Variants in HPCAL1 observed in about 807,000 individuals in gnomAD.
HPCAL1 encodes the protein hippocalcin-like protein 1.
In HPCAL1, 8 loss-of-function variants were observed where a neutral mutation model predicts 17.1. That is an observed-to-expected ratio of 0.47 (90% CI 0.27 to 0.84). HPCAL1 has a LOEUF of 0.84. HPCAL1 is among the 40% of genes least tolerant of loss of function. The probability of loss-of-function intolerance (pLI) is 0.13; values close to 1 mark genes in which losing one functional copy is unlikely to be tolerated. For missense variants in HPCAL1, 165 were observed against 271.1 expected (o/e 0.61, Z 2.75); for synonymous variants, 112 against 111.4 (o/e 1.01, Z -0.03).
intron 1 of HPCAL1, among the ~76,000 whole-genome samples, chr2:10,357,035 C>G (rs922240656): frequency 3.3e-5 from 5 of 152,116 alleles, no homozygotes; most frequent in African/African-American, 1.2e-4. Flanking sequence ...ATACCTTGAG[C>G]CCAGGAGGTT....
At chr2:10,418,464 AAAAAAAAC>A (rs1201108757) in intron 2 of HPCAL1, among the ~76,000 whole-genome samples, 4 of 150,968 alleles carry the variant, frequency 2.6e-5, no homozygotes, top group Non-Finnish European at 5.9e-5. Flanking sequence ...AAAAAAAAAA[AAAAAAAAC>A]AACCCTGGGA....
intron 2 of HPCAL1, among the ~76,000 whole-genome samples, chr2:10,407,666 C>T (rs1055259516): frequency 6.6e-6 from 1 of 152,102 alleles, no homozygotes; most frequent in Non-Finnish European, 1.5e-5. Flanking sequence ...AGGAGGTTTC[C>T]CCACGACTGT....
intron 1 of HPCAL1, among the ~76,000 whole-genome samples, chr2:10,361,866 G>T (rs113512293): frequency 6.6e-6 from 1 of 151,936 alleles, no homozygotes; most frequent in East Asian, 1.9e-4. Context: ...ATAGGCGCCC[G>T]CCACCATGCC....
chr2:10,402,391 A>G (rs1446946108), intron 2 of HPCAL1, among the ~76,000 whole-genome samples: 1 of 152,184 alleles, frequency 6.6e-6, no homozygotes, highest in Non-Finnish European at 1.5e-5. Flanking sequence ...GCGTTGCCAC[A>G]ACTCTCCCTG....
chr2:10,423,170 T>C, intron 4 of HPCAL1, 82 bp downstream of exon 4: 1 of 1,050,840 alleles, frequency 9.5e-7, no homozygotes, highest in Non-Finnish European at 1.5e-6. Context: ...CCCTCCCCTC[T>C]GCAGCTTCTT....
At position 10,363,579 on chromosome 2, in the gene HPCAL1, GCCT is replaced by G. The variant is rs1666656526; in HGVS notation, c.-110-33249_-110-33247del. 6.6e-6 allele frequency among the ~76,000 whole-genome samples: 1 copy of G among 152,202 alleles called. No homozygotes were observed. The highest frequency in any genetic ancestry group is 1.5e-5 in the Non-Finnish European group (1 of 68,028). On this transcript the variant is annotated intron_variant, in intron 1 of 4. Coordinates refer to ENST00000307845, the MANE Select transcript of HPCAL1 (RefSeq NM_002149.4). This position sits in a 1 kb window ranked among gnomAD's most constrained non-coding sequence, Gnocchi z 4.7. Reference sequence around the variant, plus strand: ...ATTTCTGGGAAGTGTGTGACCCGAAGCCTCCTCCTGTCAGAACCACCGGGGAGC... The same window carrying G: ...ATTTCTGGGAAGTGTGTGACCCGAAGCCTCCTGTCAGAACCACCGGGGAGC...
rs1206123931 is a variant in HPCAL1 at position 10,362,131 on chromosome 2, A to ATGGGCAGGGCTGTGGAGC, written c.-110-34700_-110-34683dup. Among the ~76,000 whole-genome samples the ATGGGCAGGGCTGTGGAGC allele has an allele frequency of 1.3e-5, 2 of 152,228 alleles. No individual in the cohort carries two copies. The highest frequency in any genetic ancestry group is 2.4e-5 in the African/African-American group (1 of 41,450). ...CCCAAGATCACTTAGCTAGTAAGTGATGGGCAGGGCTGTGGAGCTGGTTCA... is the reference window on the plus strand; with the variant it reads ...CCCAAGATCACTTAGCTAGTAAGTGATGGGCAGGGCTGTGGAGCTGGGCAGGGCTGTGGAGCTGGTTCA... On this transcript the variant is annotated intron_variant, in intron 1 of 4. Transcript: ENST00000307845. This position sits in a 1 kb window ranked among gnomAD's most constrained non-coding sequence, Gnocchi z 5.0.
chr2:10,303,535 G>A (rs1341282609), intron 1 of HPCAL1, among the ~76,000 whole-genome samples: 1 of 152,168 alleles, frequency 6.6e-6, no homozygotes, highest in South Asian at 2.1e-4. Context: ...GTGGGTGTGG[G>A]TGGTCCAGCC....
rs1668900228 is a variant in HPCAL1 at position 10,394,647 on chromosome 2, A to C, written c.-110-2188A>C. 6.6e-6 allele frequency among the ~76,000 whole-genome samples: 1 copy of C among 152,082 alleles called. No individual in the cohort carries two copies. Among genetic ancestry groups the C allele is most frequent in the Admixed American group, 6.5e-5 (1 of 15,276 alleles). ...TGAGCTGCGGACCTGGGGGGTGATG[A>C]TGGTCAGTGCAGGTCCCTCAGTTGT... On this transcript the variant is annotated intron_variant, in intron 1 of 4. Coordinates refer to ENST00000307845, the MANE Select transcript of HPCAL1 (RefSeq NM_002149.4). The surrounding 1 kb of genome is among the most constrained non-coding windows in gnomAD (Gnocchi z 5.0).
intron 4 of HPCAL1, chr2:10,426,085 G>C (rs1331549615): frequency 1.3e-5 from 2 of 152,292 alleles, no homozygotes; most frequent in African/African-American, 4.8e-5. Context: ...CCTAGGCCAC[G>C]AGCCTCCAGA....
chr2:10,313,773 G>A (rs752171211), intron 1 of HPCAL1, among the ~76,000 whole-genome samples: 1 of 152,206 alleles, frequency 6.6e-6, no homozygotes, highest in Non-Finnish European at 1.5e-5. Context: ...ATGCATACTT[G>A]CATTGTAGGT....
At chr2:10,339,235 C>A (rs961808143) in intron 1 of HPCAL1, among the ~76,000 whole-genome samples, 1 of 152,204 alleles carries the variant, frequency 6.6e-6, no homozygotes, top group Non-Finnish European at 1.5e-5. Flanking sequence ...TCACTGCAAC[C>A]TCCACCTCCC....
intron 1 of HPCAL1, among the ~76,000 whole-genome samples, chr2:10,358,809 G>T (rs761055825): frequency 3.3e-5 from 5 of 152,168 alleles, no homozygotes; most frequent in African/African-American, 1.2e-4. Context: ...CCAAGCCCAC[G>T]TGTGATCTTC....
At chr2:10,368,157 T>G (rs1666966368) in intron 1 of HPCAL1, among the ~76,000 whole-genome samples, 1 of 151,224 alleles carries the variant, frequency 6.6e-6, no homozygotes, top group South Asian at 2.1e-4. Flanking sequence ...CATGTGTAGG[T>G]GTGTGTGTGC....
chr2:10,422,919 A>G, intron 3 of HPCAL1, 64 bp from the exon 4 acceptor site: 3 of 1,211,786 alleles, frequency 2.5e-6, no homozygotes, highest in Non-Finnish European at 3.6e-6. Context: ...GCGGAAGCCC[A>G]CCCTTGCTGC....
At chr2:10,326,838 G>A (rs1003996990) in intron 1 of HPCAL1, among the ~76,000 whole-genome samples, 8 of 152,122 alleles carry the variant, frequency 5.3e-5, no homozygotes, top group Non-Finnish European at 1.2e-4. Flanking sequence ...GACAGATGCC[G>A]AGGCTCCCGT....
At chr2:10,411,003 C>A (rs1670322588) in intron 2 of HPCAL1, among the ~76,000 whole-genome samples, 1 of 151,768 alleles carries the variant, frequency 6.6e-6, no homozygotes, top group Non-Finnish European at 1.5e-5. Context: ...AAATGAGGTC[C>A]TTCAGATTAC....
Position 10,427,085 on chromosome 2 carries a change from A to G in HPCAL1, c.*264A>G. On this transcript the variant is annotated 3_prime_UTR_variant, in exon 5 of 5. Transcript: ENST00000307845. ...GCAGGGTTCAAGTGTTCTTGGTTCC[A>G]GGCACCTCCCGGCTCACGGGGAGCT... is the stretch of plus-strand genomic sequence containing the variant. The G allele has an allele frequency of 2.1e-6, 1 of 474,900 alleles. No individual in the cohort carries two copies. Among genetic ancestry groups the G allele is most frequent in the East Asian group, 4.0e-5 (1 of 25,210 alleles). The allele number at this position is 474,900 out of a possible 1,614,324, so 29.4% of individuals were successfully genotyped here.
rs539820203 is a variant in HPCAL1 at position 10,417,195 on chromosome 2, T to C, written c.-24-2539T>C. Among the ~76,000 whole-genome samples the C allele has an allele frequency of 5.9e-5, 9 of 152,208 alleles. No homozygotes were observed. In the East Asian group the frequency reaches 1.3e-3, roughly 23 times the overall value. On this transcript the variant is annotated intron_variant, in intron 2 of 4. Coordinates refer to ENST00000307845, the MANE Select transcript of HPCAL1 (RefSeq NM_002149.4). ...TTGGCCAACATGGTGAAACCCCATC[T>C]CTACTAAAAATACAAAAATTAGCTG...
Sources: allele counts gnomAD v4.1 joint callset (sites outside exome capture counted in the v4.1 genomes callset), GRCh38; gene constraint gnomAD v4.1.1; non-coding constraint Gnocchi (gnomAD v3.1); transcripts MANE v1.5; gene names NCBI Gene and HGNC (gene_info 2026-07-23, HGNC 2026-07-21).